Variants in ANKRD16 observed in about 807,000 individuals in gnomAD.
ANKRD16 encodes the protein ankyrin repeat domain-containing protein 16.
In ANKRD16, 35 loss-of-function variants were observed where a neutral mutation model predicts 37.9. The ratio of observed to expected loss-of-function variants is 0.92; its 90% CI spans 0.71 to 1.23. ANKRD16 has a LOEUF of 1.23. Among genes scored for constraint, ANKRD16 ranks in the 50% most tolerant of loss-of-function variants. The pLI is 0.00. For missense variants in ANKRD16, 480 were observed against 469.9 expected (o/e 1.02, Z -0.20); for synonymous variants, 206 against 197.2 (o/e 1.04, Z -0.37).
At chr10:5,883,911 C>T in intron 4 of ANKRD16, 58 bp downstream of exon 4, 1 of 1,493,504 alleles carries the variant, frequency 6.7e-7, no homozygotes, top group Non-Finnish European at 9.2e-7. Flanking sequence ...TCTGCTTAAC[C>T]TGTGACCTAA....
At position 5,884,739 on chromosome 10, in the gene ANKRD16, T is replaced by TAAAAA. The variant is rs34030686; in HGVS notation, c.579-667_579-663dup. ...AAAAGCAAAACTCCATCTCAAAAAC[T>TAAAAA]AAAAAAAAAAAAAAAAAAAGGAAAA... On this transcript the variant is annotated intron_variant, in intron 3 of 7. Transcript: ENST00000380094. Among the ~76,000 whole-genome samples the TAAAAA allele has an allele frequency of 9.6e-4, 115 of 120,088 alleles. 2 individuals carry two copies. The highest frequency in any genetic ancestry group is 2.4e-3 in the African/African-American group (74 of 31,390). The allele number at this position is 120,088 out of a possible 152,430, so 78.8% of individuals were successfully genotyped here. A position where few individuals can be genotyped will look rare whatever the true frequency, so the allele number is the denominator to read the frequency against.
chr10:5,864,218 T>C lies in ANKRD16; in HGVS notation c.*34-1527A>G, dbSNP rs150778541. Reference sequence around the variant, plus strand: ...TACAACTTACATCCCACAGGAGGACTTCTCAGCTTACCCCCAGATCCTAGC... The same window carrying C: ...TACAACTTACATCCCACAGGAGGACCTCTCAGCTTACCCCCAGATCCTAGC... On this transcript the variant is annotated intron_variant, in intron 7 of 7. Coordinates refer to ENST00000380094, the MANE Select transcript of ANKRD16 (RefSeq NM_019046.3). This position sits in a 1 kb window ranked among gnomAD's most constrained non-coding sequence, Gnocchi z 4.4. Among the ~76,000 whole-genome samples the C allele has an allele frequency of 0.026, 3,983 of 152,148 alleles. 176 individuals carry two copies. Among genetic ancestry groups the C allele is most frequent in the African/African-American group, 0.09 (3,737 of 41,420 alleles).
chr10:5,877,571 G>T (rs1352828885), intron 7 of ANKRD16, among the ~76,000 whole-genome samples: 2 of 152,358 alleles, frequency 1.3e-5, no homozygotes, highest in East Asian at 3.8e-4. Flanking sequence ...AAATGCCTGT[G>T]TAAACAGATT....
chr10:5,884,811 C>G (rs775928245), intron 3 of ANKRD16, among the ~76,000 whole-genome samples: 23 of 150,218 alleles, frequency 1.5e-4, no homozygotes, highest in Non-Finnish European at 2.5e-4. Flanking sequence ...CTTCACTGTT[C>G]AGGCTCAGCA....
In ANKRD16 at chr10:5,882,858, G is replaced by T. The variant is rs572029629; in HGVS notation, c.849+148C>A. 5 of 817,522 alleles carry T rather than the reference G, an allele frequency of 6.1e-6. No homozygotes were observed. The East Asian group carries it at 1.1e-4, about 19-fold the overall frequency. 50.6% of individuals were successfully genotyped at this position (817,522 alleles called of 1,614,324 possible). A position where few individuals can be genotyped will look rare whatever the true frequency, so the allele number is the denominator to read the frequency against. On this transcript the variant is annotated intron_variant, in intron 5 of 7. Coordinates refer to ENST00000380094, the MANE Select transcript of ANKRD16 (RefSeq NM_019046.3). ...AGGTTTCTATTTAAAGAGATAAAGC[G>T]CTTCAGAATCCTGACCATTTCAGAA...
rs1438276007 is a variant in ANKRD16, at chr10:5,866,439, C to T, written c.*34-3748G>A. ...AGTACTTGAAAGTAAGTCTCTTCCC[C>T]AGGGACCAGTGCCCAGTTAGCAGAA... is the stretch of plus-strand genomic sequence containing the variant. On this transcript the variant is annotated intron_variant, in intron 7 of 7. Coordinates refer to ENST00000380094, the MANE Select transcript of ANKRD16 (RefSeq NM_019046.3). The surrounding 1 kb of genome is among the most constrained non-coding windows in gnomAD (Gnocchi z 4.3). 6.6e-6 allele frequency among the ~76,000 whole-genome samples: 1 copy of T among 152,172 alleles called. No individual in the cohort carries two copies.
intron 3 of ANKRD16, 59 bp from the exon 4 acceptor site, chr10:5,884,136 A>C (rs2131777215): frequency 2.3e-6 from 3 of 1,311,160 alleles, no homozygotes; most frequent in Middle Eastern, 3.6e-4. Flanking sequence ...CCCAGGGGAC[A>C]GTTGACACCT....
chr10:5,870,404 CTTT>C lies in ANKRD16; in HGVS notation c.*33+7690_*33+7692del, dbSNP rs771792284. Among the ~76,000 whole-genome samples, 7 of 136,922 alleles carry C rather than the reference CTTT, an allele frequency of 5.1e-5. No homozygotes were observed. The highest frequency in any genetic ancestry group is 5.4e-5 in the African/African-American group (2 of 37,240). 89.8% of individuals were successfully genotyped at this position (136,922 alleles called of 152,430 possible). A position where few individuals can be genotyped will look rare whatever the true frequency, so the allele number is the denominator to read the frequency against. On this transcript the variant is annotated intron_variant, in intron 7 of 7. Transcript: ENST00000380094. The surrounding 1 kb of genome is among the most constrained non-coding windows in gnomAD (Gnocchi z 5.0). ...GCCAGTCCTCATTCCCTCCCTACTGCTTTTTTTTTTTTTTTTTGAAACAGGGTT... is the reference window on the plus strand; with the variant it reads ...GCCAGTCCTCATTCCCTCCCTACTGCTTTTTTTTTTTTTTGAAACAGGGTT...
intron 1 of ANKRD16, 129 bp downstream of exon 1, chr10:5,888,912 G>T: frequency 9.7e-7 from 1 of 1,031,534 alleles, no homozygotes; most frequent in Non-Finnish European, 1.3e-6. Context: ...CCCTGCCGCT[G>T]AGCAGGCCTG....
Position 5,866,690 on chromosome 10 carries a change from T to A in ANKRD16, c.*34-3999A>T, listed in dbSNP as rs1842017980. 1.3e-5 allele frequency among the ~76,000 whole-genome samples: 2 copies of A among 151,530 alleles called. No homozygotes were observed. Among genetic ancestry groups the A allele is most frequent in the African/African-American group, 2.4e-5 (1 of 41,178 alleles). Reference sequence around the variant, plus strand: ...TGGCAGTCTTACACCGCCGAAGCCATCAAAAAGGGGAAGGAGAGGGGAGAA... The same window carrying A: ...TGGCAGTCTTACACCGCCGAAGCCAACAAAAAGGGGAAGGAGAGGGGAGAA... On this transcript the variant is annotated intron_variant, in intron 7 of 7. Coordinates refer to ENST00000380094, the MANE Select transcript of ANKRD16 (RefSeq NM_019046.3). This position sits in a 1 kb window ranked among gnomAD's most constrained non-coding sequence, Gnocchi z 4.3.
Position 5,874,811 on chromosome 10 carries a change from C to G in ANKRD16, c.*33+3286G>C, listed in dbSNP as rs1002454961. Among the ~76,000 whole-genome samples the G allele has an allele frequency of 6.6e-6, 1 of 152,068 alleles. No individual in the cohort carries two copies. Among genetic ancestry groups the G allele is most frequent in the African/African-American group, 2.4e-5 (1 of 41,382 alleles). On this transcript the variant is annotated intron_variant, in intron 7 of 7. Transcript: ENST00000380094. The surrounding 1 kb of genome is among the most constrained non-coding windows in gnomAD (Gnocchi z 4.7). ...TAGCTGAAACCCGAGGCATGGACGA[C>G]AACGCTTCAGGAGAAAATCCAGAAT...
rs531678668 is a variant in ANKRD16 at position 5,872,705 on chromosome 10, C to T, written c.*33+5392G>A. Among the ~76,000 whole-genome samples, 227 of 151,212 alleles carry T rather than the reference C, an allele frequency of 1.5e-3. 1 individual carries two copies. The highest frequency in any genetic ancestry group is 2.3e-3 in the South Asian group (11 of 4,754). ...TCGAGTAGCTAGGACTACAGGCGCC[C>T]GCCACCACACCCGGCTAATTTTTTG... is the stretch of plus-strand genomic sequence containing the variant. On this transcript the variant is annotated intron_variant, in intron 7 of 7. Transcript: ENST00000380094.
In ANKRD16 at chr10:5,874,187, G is replaced by A. The variant is rs1842151482; in HGVS notation, c.*33+3910C>T. The stretch of plus-strand genomic sequence containing the variant: ...TACAGGTGTAAGCCATCGTGCCTGG[G>A]CGAGACTTCTGCTTTGATTGAGCTT... On this transcript the variant is annotated intron_variant, in intron 7 of 7. Coordinates refer to ENST00000380094, the MANE Select transcript of ANKRD16 (RefSeq NM_019046.3). This position sits in a 1 kb window ranked among gnomAD's most constrained non-coding sequence, Gnocchi z 4.7. Among the ~76,000 whole-genome samples, 1 of 152,176 alleles carries A rather than the reference G, an allele frequency of 6.6e-6. No homozygotes were observed.
At position 5,874,619 on chromosome 10, in the gene ANKRD16, C is replaced by T. The variant is rs1206222317; in HGVS notation, c.*33+3478G>A. Among the ~76,000 whole-genome samples, 1 of 152,152 alleles carries T rather than the reference C, an allele frequency of 6.6e-6. No individual in the cohort carries two copies. Among genetic ancestry groups the T allele is most frequent in the Non-Finnish European group, 1.5e-5 (1 of 68,040 alleles). On this transcript the variant is annotated intron_variant, in intron 7 of 7. Transcript: ENST00000380094. This position sits in a 1 kb window ranked among gnomAD's most constrained non-coding sequence, Gnocchi z 4.7. ...ACACAGGTTGGGTGAGCTGTGATGC[C>T]ACCAACCAAGGCAGGAATGCAGGCC...
rs560133279 is a variant in ANKRD16, at chr10:5,868,017, C to T, written c.*34-5326G>A. Among the ~76,000 whole-genome samples, 2 of 152,308 alleles carry T rather than the reference C, an allele frequency of 1.3e-5. No homozygotes were observed. Among genetic ancestry groups the T allele is most frequent in the East Asian group, 3.9e-4 (2 of 5,182 alleles). On this transcript the variant is annotated intron_variant, in intron 7 of 7. Coordinates refer to ENST00000380094, the MANE Select transcript of ANKRD16 (RefSeq NM_019046.3). The surrounding 1 kb of genome is among the most constrained non-coding windows in gnomAD (Gnocchi z 4.9). The stretch of plus-strand genomic sequence containing the variant: ...GCCTGGCGTTTACAGGAAAAGGCTT[C>T]TGAAATCAGACAACGCCTTTCAAAC...
At chr10:5,880,815 A>AC in intron 5 of ANKRD16, among the ~76,000 whole-genome samples, 1 of 152,182 alleles carries the variant, frequency 6.6e-6, no homozygotes, top group Admixed American at 6.5e-5. Flanking sequence ...TTTCAGCTTA[A>AC]TTTTTTTTCT....
intron 2 of ANKRD16, among the ~76,000 whole-genome samples, chr10:5,886,274 A>C (rs1197910881): frequency 6.6e-6 from 1 of 152,136 alleles, no homozygotes; most frequent in Non-Finnish European, 1.5e-5. Flanking sequence ...TTTTCTACTT[A>C]CTTAAGAAGT....
chr10:5,873,028 CTTT>C (rs573396387), intron 7 of ANKRD16, among the ~76,000 whole-genome samples: 1 of 116,104 alleles, frequency 8.6e-6, no homozygotes. Flanking sequence ...CCTGGCTAAT[CTTT>C]TTTTTTTTTT....
chr10:5,872,226 C>G (rs1352494582), intron 7 of ANKRD16, among the ~76,000 whole-genome samples: 4 of 152,140 alleles, frequency 2.6e-5, no homozygotes, highest in Non-Finnish European at 2.9e-5. Flanking sequence ...CACCTGTAAA[C>G]CTAGCACTTT....
Sources: allele counts gnomAD v4.1 joint callset (sites outside exome capture counted in the v4.1 genomes callset), GRCh38; gene constraint gnomAD v4.1.1; non-coding constraint Gnocchi (gnomAD v3.1); transcripts MANE v1.5; gene names NCBI Gene and HGNC (gene_info 2026-07-23, HGNC 2026-07-21).